C2orf66: variants seen among roughly 807,000 people sequenced by gnomAD.
C2orf66 encodes the protein uncharacterized protein C2orf66.
C2orf66 carries 6 observed loss-of-function variants against 7.0 expected under a neutral mutation model. The observed-to-expected ratio is 0.86, with a 90% CI of 0.47 to 1.69. The LOEUF is 1.69. Among genes scored for constraint, C2orf66 ranks in the 40% most tolerant of loss-of-function variants. The pLI, the probability that C2orf66 is intolerant of heterozygous loss-of-function variation, is 0.01. For synonymous variants in C2orf66, 38 were observed against 43.8 expected, an observed-to-expected ratio of 0.87 and a Z score of 0.52; for missense variants, 107 against 112.0, an observed-to-expected ratio of 0.96 and a Z score of 0.20.
the C2orf66 span, among the ~76,000 whole-genome samples, chr2:196,825,862 G>C: frequency 5.9e-5 from 9 of 152,214 alleles, no homozygotes; most frequent in Non-Finnish European, 1.3e-4. Flanking sequence ...AGAACAGGGA[G>C]AATTCTACAG....
At chr2:196,820,242 TA>T in the C2orf66 span, among the ~76,000 whole-genome samples, 24 of 151,996 alleles carry the variant, frequency 1.6e-4, no homozygotes, top group Non-Finnish European at 7.4e-5. Context: ...AAGCAGTTCT[TA>T]TTTATTTATT....
At chr2:196,811,129 G>C (rs568279687), upstream of C2orf66, among the ~76,000 whole-genome samples, 2 of 152,290 alleles carry the variant, frequency 1.3e-5, no homozygotes, top group Admixed American at 1.3e-4. Context: ...GCTGTGCTAG[G>C]AATGGGGCAC....
chr2:196,820,255 A>G, the C2orf66 span, among the ~76,000 whole-genome samples: 8 of 152,078 alleles, frequency 5.3e-5, no homozygotes, highest in African/African-American at 1.2e-4. Context: ...TTATTTATTT[A>G]TTTGTTTTTC....
the C2orf66 span, among the ~76,000 whole-genome samples, chr2:196,815,239 G>C: frequency 6.6e-6 from 1 of 151,986 alleles, no homozygotes; most frequent in Non-Finnish European, 1.5e-5. Context: ...AAAGTTCTGG[G>C]ATTTCAGGCA....
At chr2:196,809,569 T>C, upstream of C2orf66, 2 of 500,406 alleles carry the variant, frequency 4.0e-6, no homozygotes, top group East Asian at 5.9e-5. Flanking sequence ...AATGAGAATG[T>C]TATACAGTGA....
chr2:196,815,895 C>T, the C2orf66 span, among the ~76,000 whole-genome samples: 1 of 152,000 alleles, frequency 6.6e-6, no homozygotes, highest in African/African-American at 2.4e-5. Flanking sequence ...TTTTTTCTTC[C>T]CCTTGGCCTA....
At chr2:196,829,050 CAT>C in the C2orf66 span, among the ~76,000 whole-genome samples, 1 of 152,120 alleles carries the variant, frequency 6.6e-6, no homozygotes, top group Non-Finnish European at 1.5e-5. Context: ...AATTAACATA[CAT>C]ATGTTAACAT....
intron 2 of C2orf66, among the ~76,000 whole-genome samples, chr2:196,806,556 G>C (rs1001480657): frequency 8.0e-5 from 12 of 150,878 alleles, no homozygotes; most frequent in African/African-American, 2.7e-4. Context: ...TAAATAATAA[G>C]AGTAATGAAA....
At chr2:196,826,977 G>A in the C2orf66 span, among the ~76,000 whole-genome samples, 5 of 152,108 alleles carry the variant, frequency 3.3e-5, no homozygotes, top group Non-Finnish European at 7.3e-5. Flanking sequence ...GTTGCAGTGA[G>A]CAGAGATCGC....
chr2:196,827,421 C>CT, the C2orf66 span, among the ~76,000 whole-genome samples: 4 of 150,974 alleles, frequency 2.6e-5, no homozygotes, highest in Non-Finnish European at 5.9e-5. Context: ...AACATAAATT[C>CT]TTTTTTTTCT....
the C2orf66 span, among the ~76,000 whole-genome samples, chr2:196,829,922 G>GACA: frequency 4.0e-5 from 6 of 151,756 alleles, no homozygotes; most frequent in African/African-American, 4.8e-5. Context: ...AAACAAAAAC[G>GACA]ACAACAACAA....
chr2:196,824,173 G>T, the C2orf66 span, among the ~76,000 whole-genome samples: 1 of 152,108 alleles, frequency 6.6e-6, no homozygotes, highest in African/African-American at 2.4e-5. Context: ...CAGGCAATCT[G>T]GCTTGAATTC....
chr2:196,804,534 C>G lies in C2orf66; in HGVS notation c.*894G>C, dbSNP rs570675227. ...GTTAGGACAATGTTGCATTTTAGTG[C>G]AACATTCCTTTTGCAGGAATCACAG... On this transcript the variant is annotated 3_prime_UTR_variant, in exon 3 of 3. Coordinates refer to ENST00000342506, the MANE Select transcript of C2orf66 (RefSeq NM_213608.3). Among the ~76,000 whole-genome samples, 18 of 152,292 alleles carry G rather than the reference C, an allele frequency of 1.2e-4. No homozygotes were observed. The highest frequency in any genetic ancestry group is 4.3e-4 in the African/African-American group (18 of 41,566).
chr2:196,819,709 C>T, the C2orf66 span, among the ~76,000 whole-genome samples: 7 of 152,246 alleles, frequency 4.6e-5, no homozygotes, highest in South Asian at 6.2e-4. Context: ...TGGTATAATG[C>T]CTGGCACAGT....
At chr2:196,818,866 G>C in the C2orf66 span, among the ~76,000 whole-genome samples, 1 of 152,224 alleles carries the variant, frequency 6.6e-6, no homozygotes, top group African/African-American at 2.4e-5. Context: ...GAGAGCCTGA[G>C]GGCAGACAAG....
chr2:196,811,500 G>C (rs529383505), upstream of C2orf66, among the ~76,000 whole-genome samples: 1 of 152,136 alleles, frequency 6.6e-6, no homozygotes, highest in Non-Finnish European at 1.5e-5. Context: ...TGGGTACTAC[G>C]GGGAGGGGGG....
chr2:196,822,126 G>A, the C2orf66 span, among the ~76,000 whole-genome samples: 1 of 151,602 alleles, frequency 6.6e-6, no homozygotes, highest in Non-Finnish European at 1.5e-5. Flanking sequence ...TGTTGGCCAG[G>A]ATGGTCTCGA....
Position 196,809,282 on chromosome 2 carries a change from C to G in C2orf66, c.55G>C (p.Val19Leu), listed in dbSNP as rs1576049289. The G allele has an allele frequency of 3.1e-6, 5 of 1,613,996 alleles. No individual in the cohort carries two copies. The African/African-American group carries it at 6.7e-5, about 22-fold the overall frequency. ...TCATTTCTTACTGTGGCTCCATTCA[C>G]ATGCCCAAGCAGCACCAGGGCAACA... ...LCVALVLLGH[V>L]NGATVRNEDK... Residue 19 changes from valine to leucine, a missense_variant, in exon 1 of 3, where the codon GTG (valine) becomes CTG (leucine). By Grantham distance (32) the Val-to-Leu change is conservative. Coordinates refer to ENST00000342506, the MANE Select transcript of C2orf66 (RefSeq NM_213608.3).
the C2orf66 span, among the ~76,000 whole-genome samples, chr2:196,826,939 G>C: frequency 6.6e-6 from 1 of 152,022 alleles, no homozygotes; most frequent in East Asian, 1.9e-4. Context: ...GCTAAGGCAG[G>C]GGAATCGCTT....
Sources: gnomAD v4.1 joint callset for allele counts (sites outside exome capture counted in the v4.1 genomes callset) on GRCh38, gnomAD v4.1.1 for gene constraint, MANE v1.5 for transcripts, NCBI Gene and HGNC (gene_info 2026-07-23, HGNC 2026-07-21) for gene names.